ANGPT1: variants seen among roughly 807,000 people sequenced by gnomAD.
ANGPT1 encodes angiopoietin 1.
ANGPT1 carries 17 observed loss-of-function variants against 62.2 expected under a neutral mutation model. The observed-to-expected ratio is 0.27, with a 90% CI of 0.19 to 0.41. ANGPT1 has a LOEUF of 0.41. ANGPT1 is among the 10% of genes least tolerant of loss of function. ANGPT1 has a pLI of 1.00. For missense variants in ANGPT1, 478 were observed against 594.9 expected, an observed-to-expected ratio of 0.80 and a Z score of 2.04; for synonymous variants, 199 against 198.9, an observed-to-expected ratio of 1.00 and a Z score of 0.00.
rs536277735 is a variant in ANGPT1, at chr8:107,249,737, G to C, written c.*2118C>G. On this transcript the variant is annotated 3_prime_UTR_variant, in exon 9 of 9. Transcript: ENST00000517746. ...AACAATATTTCATTTCTCAAACCCA[G>C]ACAACAAAACAGTAAATATCATGCT... 41 of 152,010 alleles carry C rather than the reference G, an allele frequency of 2.7e-4. No homozygotes were observed. Among genetic ancestry groups the C allele is most frequent in the African/African-American group, 9.4e-4 (39 of 41,474 alleles). The allele number at this position is 152,010 out of a possible 1,614,324, so 9.4% of individuals were successfully genotyped here. A position where few individuals can be genotyped will look rare whatever the true frequency, so the allele number is the denominator to read the frequency against.
chr8:107,286,429 T>C (rs10505103), intron 6 of ANGPT1, among the ~76,000 whole-genome samples: 3,127 of 152,254 alleles, frequency 0.021, 46 homozygotes, highest in African/African-American at 0.035. Context: ...TTGCCTTGCA[T>C]GTGTCTTCAT....
chr8:107,337,482 T>C (rs1011207639), intron 2 of ANGPT1, among the ~76,000 whole-genome samples: 4 of 152,152 alleles, frequency 2.6e-5, no homozygotes. Context: ...CACACTCCAG[T>C]CCTAGCAGAT....
chr8:107,494,060 G>A (rs1813032474), intron 1 of ANGPT1, among the ~76,000 whole-genome samples: 1 of 136,930 alleles, frequency 7.3e-6, no homozygotes, highest in African/African-American at 2.7e-5. Flanking sequence ...TGTAAAATAT[G>A]TATAGCAAAT....
At chr8:107,259,990 A>G (rs774298317) in intron 8 of ANGPT1, among the ~76,000 whole-genome samples, 4 of 152,136 alleles carry the variant, frequency 2.6e-5, no homozygotes, top group South Asian at 2.1e-4. Context: ...TTAATGTTAA[A>G]TAGTAGATAA....
chr8:107,284,935 A>T, intron 6 of ANGPT1, 87 bp from the exon 7 acceptor site: 3 of 1,034,002 alleles, frequency 2.9e-6, no homozygotes, highest in Non-Finnish European at 1.3e-6. Context: ...AATAATAATT[A>T]AAAATTATTA....
At chr8:107,429,603 A>C (rs2130400179) in intron 1 of ANGPT1, among the ~76,000 whole-genome samples, 1 of 150,460 alleles carries the variant, frequency 6.6e-6, no homozygotes, top group East Asian at 2.0e-4. Flanking sequence ...CAGAGCCAAT[A>C]GGAGCTCAAA....
intron 1 of ANGPT1, among the ~76,000 whole-genome samples, chr8:107,409,144 A>T (rs1817208929): frequency 1.3e-5 from 2 of 152,224 alleles, no homozygotes; most frequent in African/African-American, 4.8e-5. Context: ...ATGGCTTCAG[A>T]TGTGGCAAGA....
chr8:107,456,547 C>G (rs1811924799), intron 1 of ANGPT1, among the ~76,000 whole-genome samples: 1 of 152,030 alleles, frequency 6.6e-6, no homozygotes, highest in Admixed American at 6.6e-5. Context: ...TCAAAATCCT[C>G]TAAAATGTTT....
intron 1 of ANGPT1, among the ~76,000 whole-genome samples, chr8:107,492,831 C>T (rs915188716): frequency 6.7e-6 from 1 of 150,350 alleles, no homozygotes; most frequent in Non-Finnish European, 1.5e-5. Flanking sequence ...ACATATTATA[C>T]AGATGCATAT....
chr8:107,271,185 T>A (rs955862617), intron 7 of ANGPT1, among the ~76,000 whole-genome samples: 2 of 152,054 alleles, frequency 1.3e-5, no homozygotes, highest in African/African-American at 4.8e-5. Context: ...GAGTTTGTAG[T>A]GTACCTGTTT....
intron 1 of ANGPT1, among the ~76,000 whole-genome samples, chr8:107,439,888 A>G (rs1018452573): frequency 1.1e-4 from 17 of 152,122 alleles, no homozygotes; most frequent in Non-Finnish European, 1.8e-4. Flanking sequence ...GAAGTAGAGG[A>G]AGAAAAAACA....
intron 4 of ANGPT1, among the ~76,000 whole-genome samples, chr8:107,317,990 C>G (rs182306247): frequency 6.6e-6 from 1 of 152,254 alleles, no homozygotes; most frequent in Admixed American, 6.5e-5. Context: ...GATTCCAAAC[C>G]TTGTTTGTAT....
chr8:107,348,012 C>T (rs114509271), intron 1 of ANGPT1, among the ~76,000 whole-genome samples: 61 of 152,304 alleles, frequency 4.0e-4, no homozygotes, highest in African/African-American at 1.4e-3. Context: ...ACCTCCCTGT[C>T]AGTGCATTTA....
intron 1 of ANGPT1, among the ~76,000 whole-genome samples, chr8:107,457,649 C>A (rs1811953264): frequency 1.3e-5 from 2 of 152,060 alleles, no homozygotes; most frequent in Admixed American, 1.3e-4. Flanking sequence ...TGAAACCAGG[C>A]AGCTGAATTT....
chr8:107,323,245 G>A (rs1275963299), intron 3 of ANGPT1, among the ~76,000 whole-genome samples: 1 of 152,158 alleles, frequency 6.6e-6, no homozygotes, highest in Non-Finnish European at 1.5e-5. Flanking sequence ...ATTTTATGGA[G>A]TGTCTAATAT....
chr8:107,400,439 G>A (rs1178939382), intron 1 of ANGPT1, among the ~76,000 whole-genome samples: 1 of 152,106 alleles, frequency 6.6e-6, no homozygotes, highest in South Asian at 2.1e-4. Context: ...CACAGCAGTA[G>A]GCATCAAGCG....
chr8:107,261,233 C>G (rs1453517022), intron 8 of ANGPT1, among the ~76,000 whole-genome samples: 2 of 151,198 alleles, frequency 1.3e-5, no homozygotes, highest in East Asian at 3.9e-4. Flanking sequence ...TAAAAATTTT[C>G]TATCAGGAAA....
At chr8:107,483,435 A>C (rs1812736285) in intron 1 of ANGPT1, among the ~76,000 whole-genome samples, 1 of 152,144 alleles carries the variant, frequency 6.6e-6, no homozygotes, top group African/African-American at 2.4e-5. Context: ...TCCTTAGTAC[A>C]TTAGTTTATC....
At chr8:107,441,649 T>G (rs1354380609) in intron 1 of ANGPT1, among the ~76,000 whole-genome samples, 2 of 152,296 alleles carry the variant, frequency 1.3e-5, no homozygotes, top group East Asian at 3.9e-4. Flanking sequence ...TGAACCTCAG[T>G]TTTCTTATGT....
Sources: allele counts gnomAD v4.1 joint callset (sites outside exome capture counted in the v4.1 genomes callset), GRCh38; gene constraint gnomAD v4.1.1; transcripts MANE v1.5; gene names NCBI Gene and HGNC (gene_info 2026-07-23, HGNC 2026-07-21).